The following CRIPTO variants were observed in gnomAD, a reference collection of about 807,000 sequenced individuals.
CRIPTO encodes cripto, EGF-CFC family member.
chr3:46,577,389 T>G, the CRIPTO span: 1 of 155,084 alleles, frequency 6.4e-6, no homozygotes, highest in African/African-American at 2.4e-5. Flanking sequence ...GAAGCAAATT[T>G]CAGGAAGTAA....
chr3:46,577,068 G>A, the CRIPTO span, among the ~76,000 whole-genome samples: 1 of 152,096 alleles, frequency 6.6e-6, no homozygotes. Context: ...CTTTTTCCTG[G>A]AACAGGCCGG....
At chr3:46,580,538 CCA>C in the CRIPTO span, among the ~76,000 whole-genome samples, 1 of 141,872 alleles carries the variant, frequency 7.0e-6, no homozygotes, top group South Asian at 2.8e-4. Flanking sequence ...CCATACCTTA[CCA>C]TGACTGGTCA....
At chr3:46,576,480 C>CAAAAAAAAAA in the CRIPTO span, among the ~76,000 whole-genome samples, 10 of 55,048 alleles carry the variant, frequency 1.8e-4, 1 homozygote, top group African/African-American at 7.5e-4. Context: ...GACTCTGTCG[C>CAAAAAAAAAA]AAAAAAAAAA....
the CRIPTO span, chr3:46,580,057 T>C: frequency 1.2e-6 from 2 of 1,614,264 alleles, no homozygotes; most frequent in Non-Finnish European, 1.7e-6. Context: ...TCTACCCGGC[T>C]GTGGTAAGCG....
At chr3:46,574,674 T>C in the CRIPTO span, 1 of 152,262 alleles carries the variant, frequency 6.6e-6, no homozygotes, top group Non-Finnish European at 1.5e-5. Flanking sequence ...GTTAACTCTT[T>C]GGTTGGAATT....
At chr3:46,580,192 G>A in the CRIPTO span, 1 of 1,228,584 alleles carries the variant, frequency 8.1e-7, no homozygotes, top group Non-Finnish European at 1.2e-6. Flanking sequence ...GCTTATAAAA[G>A]CATCGCAGAC....
the CRIPTO span, chr3:46,579,778 C>G: frequency 2.5e-6 from 4 of 1,613,236 alleles, no homozygotes; most frequent in Non-Finnish European, 3.4e-6. Context: ...AATGGGGGAA[C>G]CTGCATGCTG....
the CRIPTO span, among the ~76,000 whole-genome samples, chr3:46,576,229 G>A: frequency 0.2 from 29,730 of 152,008 alleles, 3,597 homozygotes; most frequent in South Asian, 0.3. Flanking sequence ...CAGCACTTTG[G>A]GAGGCCGAGG....
chr3:46,576,240 C>T, the CRIPTO span, among the ~76,000 whole-genome samples: 1 of 151,990 alleles, frequency 6.6e-6, no homozygotes, highest in Non-Finnish European at 1.5e-5. Flanking sequence ...GAGGCCGAGG[C>T]GGGTGGATCA....
the CRIPTO span, among the ~76,000 whole-genome samples, chr3:46,580,590 T>A: frequency 6.6e-6 from 1 of 151,762 alleles, no homozygotes; most frequent in Admixed American, 6.6e-5. Context: ...CCCTTTCACC[T>A]TCTTGATTTT....
At chr3:46,576,480 C>CAAAAA in the CRIPTO span, among the ~76,000 whole-genome samples, 61 of 55,046 alleles carry the variant, frequency 1.1e-3, 4 homozygotes, top group African/African-American at 3.8e-3. Flanking sequence ...GACTCTGTCG[C>CAAAAA]AAAAAAAAAA....
the CRIPTO span, chr3:46,579,300 C>T: frequency 6.2e-7 from 1 of 1,614,164 alleles, no homozygotes; most frequent in Non-Finnish European, 8.5e-7. Flanking sequence ...CAGCATTTGG[C>T]CCCAGGAGGA....
the CRIPTO span, chr3:46,579,947 TC>T: frequency 6.2e-7 from 1 of 1,614,212 alleles, no homozygotes; most frequent in Non-Finnish European, 8.5e-7. Context: ...CTGTTCATTC[TC>T]AGGAACTGTG....
chr3:46,580,197 G>A, the CRIPTO span: 7 of 1,144,514 alleles, frequency 6.1e-6, no homozygotes, highest in Admixed American at 2.0e-5. Context: ...TAAAAGCATC[G>A]CAGACTCCTG....
chr3:46,579,734 T>G, the CRIPTO span: 251 of 1,611,782 alleles, frequency 1.6e-4, no homozygotes, highest in Non-Finnish European at 2.1e-4. Context: ...GTTCTTACCT[T>G]TCAGGTAAGG....
the CRIPTO span, chr3:46,579,340 G>A: frequency 7.3e-5 from 118 of 1,613,998 alleles, no homozygotes; most frequent in Non-Finnish European, 9.5e-5. Context: ...TCTTCCCAGC[G>A]TGTGCCGCCC....
At chr3:46,576,048 A>T in the CRIPTO span, among the ~76,000 whole-genome samples, 1 of 152,226 alleles carries the variant, frequency 6.6e-6, no homozygotes. Context: ...CCACACAGGG[A>T]GGAGGCGAAG....
the CRIPTO span, chr3:46,577,702 C>T: frequency 5.6e-6 from 3 of 537,320 alleles, no homozygotes; most frequent in Non-Finnish European, 1.0e-5. Flanking sequence ...CCCGCCCCGA[C>T]TGGGGTTTGT....
At chr3:46,581,057 T>C in the CRIPTO span, 1 of 1,082,470 alleles carries the variant, frequency 9.2e-7, no homozygotes, top group African/African-American at 1.5e-5. Context: ...AGCGTATAGA[T>C]ATGCCACATT....
Sources: gnomAD v4.1 joint callset for allele counts (sites outside exome capture counted in the v4.1 genomes callset) on GRCh38, gnomAD v4.1.1 for gene constraint, MANE v1.5 for transcripts, NCBI Gene and HGNC (gene_info 2026-07-23, HGNC 2026-07-21) for gene names.